The following CAB39 variants were observed in gnomAD, a reference collection of about 807,000 sequenced individuals.
The protein encoded by CAB39 is calcium-binding protein 39.
CAB39 carries 8 observed loss-of-function variants against 40.0 expected under a neutral mutation model. The observed-to-expected ratio is 0.20, with a 90% CI of 0.12 to 0.36. The LOEUF is 0.36. Ranked by LOEUF, CAB39 falls within the 10% of genes least tolerant of loss-of-function variation. The pLI is 1.00. For missense variants in CAB39, 270 were observed against 401.1 expected (o/e 0.67, Z 2.79); for synonymous variants, 156 against 141.6 (o/e 1.10, Z -0.72).
In CAB39 at chr2:230,743,222, CTA is replaced by C. The variant is rs958090329; in HGVS notation, c.-43-16733_-43-16732del. On this transcript the variant is annotated intron_variant, in intron 1 of 8. Coordinates refer to ENST00000258418, the MANE Select transcript of CAB39 (RefSeq NM_016289.4). ...TGCAGTTTCTTTCCCTTCACTCACT[CTA>C]TATGACTTCCACAGACAACTAGGCT... Among the ~76,000 whole-genome samples the C allele has an allele frequency of 5.1e-4, 77 of 152,270 alleles. 1 individual carries two copies. Among genetic ancestry groups the C allele is most frequent in the African/African-American group, 1.7e-3 (69 of 41,552 alleles).
At position 230,818,941 on chromosome 2, in the gene CAB39, T is replaced by C. The variant is rs1055667643; in HGVS notation, c.*237T>C. 2.4e-6 allele frequency: 1 copy of C among 422,168 alleles called. No individual in the cohort carries two copies. Among genetic ancestry groups the C allele is most frequent in the Admixed American group, 3.8e-5 (1 of 26,034 alleles). 26.2% of individuals were successfully genotyped at this position (422,168 alleles called of 1,614,324 possible). Reference sequence around the variant, plus strand: ...TTGTGTCATTTCAGAATTCAAAGACTGTGCTACGGGAGTTCTGAACATGGC... The same window carrying C: ...TTGTGTCATTTCAGAATTCAAAGACCGTGCTACGGGAGTTCTGAACATGGC... On this transcript the variant is annotated 3_prime_UTR_variant, in exon 9 of 9. Coordinates refer to ENST00000258418, the MANE Select transcript of CAB39 (RefSeq NM_016289.4).
At position 230,766,369 on chromosome 2, in the gene CAB39, A is replaced by G. The variant is rs139832803; in HGVS notation, c.114+6254A>G. 8.5e-5 allele frequency among the ~76,000 whole-genome samples: 13 copies of G among 152,344 alleles called. 1 individual carries two copies. The East Asian group carries it at 2.3e-3, about 27-fold the overall frequency. On this transcript the variant is annotated intron_variant, in intron 2 of 8. Coordinates refer to ENST00000258418, the MANE Select transcript of CAB39 (RefSeq NM_016289.4). ...TAATTAATGGGAAAAATGAGAGTTT[A>G]TTAGGAGAGAGAGAGACTAGGAAGT...
At chr2:230,729,646 A>G (rs961176637) in intron 1 of CAB39, among the ~76,000 whole-genome samples, 1 of 151,830 alleles carries the variant, frequency 6.6e-6, no homozygotes, top group Non-Finnish European at 1.5e-5. Context: ...CCAGCTACTC[A>G]GGAGGCTGAG....
intron 1 of CAB39, among the ~76,000 whole-genome samples, chr2:230,735,527 TG>T (rs975941619): frequency 6.6e-6 from 1 of 151,156 alleles, no homozygotes; most frequent in Admixed American, 6.6e-5. Context: ...TTTGGGGGGA[TG>T]GGGGGGACAG....
chr2:230,783,812 A>G (rs1194576637), intron 2 of CAB39, among the ~76,000 whole-genome samples: 1 of 152,160 alleles, frequency 6.6e-6, no homozygotes, highest in African/African-American at 2.4e-5. Flanking sequence ...TCAATTAAAC[A>G]CTTTTAAGGA....
intron 2 of CAB39, among the ~76,000 whole-genome samples, chr2:230,787,260 A>G (rs753441516): frequency 6.6e-6 from 1 of 152,236 alleles, no homozygotes; most frequent in Non-Finnish European, 1.5e-5. Flanking sequence ...GATTTGTAGT[A>G]GATCATTACT....
chr2:230,741,748 A>G (rs1456938325), intron 1 of CAB39, among the ~76,000 whole-genome samples: 1 of 152,244 alleles, frequency 6.6e-6, no homozygotes, highest in African/African-American at 2.4e-5. Flanking sequence ...TGAACAATAT[A>G]TCAAATTTAA....
At chr2:230,757,069 G>A (rs1695205421) in intron 1 of CAB39, among the ~76,000 whole-genome samples, 2 of 152,134 alleles carry the variant, frequency 1.3e-5, no homozygotes, top group Admixed American at 1.3e-4. Flanking sequence ...ACTGAGGAAT[G>A]TCACTTCTTG....
intron 1 of CAB39, among the ~76,000 whole-genome samples, chr2:230,724,447 C>T (rs1471511235): frequency 6.6e-6 from 1 of 151,788 alleles, no homozygotes; most frequent in South Asian, 2.1e-4. Flanking sequence ...TTTGGGAGGC[C>T]GAGGTGGGCG....
chr2:230,809,648 A>G (rs1264206696), intron 5 of CAB39, among the ~76,000 whole-genome samples: 1 of 152,226 alleles, frequency 6.6e-6, no homozygotes, highest in Admixed American at 6.5e-5. Context: ...GGTGAGGCAT[A>G]GGGTTCTGTT....
At chr2:230,744,483 G>A (rs970230948) in intron 1 of CAB39, among the ~76,000 whole-genome samples, 5 of 151,656 alleles carry the variant, frequency 3.3e-5, no homozygotes, top group South Asian at 4.2e-4. Flanking sequence ...TAGTAAAGAC[G>A]GGGTTTCACC....
intron 1 of CAB39, among the ~76,000 whole-genome samples, chr2:230,736,633 C>T (rs963152598): frequency 1.3e-5 from 2 of 152,138 alleles, no homozygotes; most frequent in Admixed American, 1.3e-4. Flanking sequence ...AATCGAGACC[C>T]TGTGGATCCT....
intron 2 of CAB39, among the ~76,000 whole-genome samples, chr2:230,772,344 A>G (rs575965273): frequency 1.3e-5 from 2 of 152,364 alleles, no homozygotes; most frequent in Admixed American, 1.3e-4. Flanking sequence ...TAGTAAAACC[A>G]TAAGGAGATT....
At chr2:230,752,030 C>CCT in intron 1 of CAB39, 1 of 11,834 alleles carries the variant, frequency 8.5e-5, no homozygotes, top group Non-Finnish European at 1.8e-4. Flanking sequence ...ATTCTGACCA[C>CCT]CCCCCCCCCC....
At chr2:230,715,787 C>G (rs1694338411) in intron 1 of CAB39, among the ~76,000 whole-genome samples, 1 of 152,208 alleles carries the variant, frequency 6.6e-6, no homozygotes, top group Non-Finnish European at 1.5e-5. Flanking sequence ...ACTGCAACCT[C>G]AACCTCCTGG....
intron 2 of CAB39, among the ~76,000 whole-genome samples, chr2:230,773,231 T>C (rs957410184): frequency 1.8e-4 from 28 of 151,988 alleles, no homozygotes; most frequent in Non-Finnish European, 5.9e-5. Flanking sequence ...AGCATAAAGC[T>C]TTTGGTGGTT....
At chr2:230,782,013 T>C (rs1438040904) in intron 2 of CAB39, among the ~76,000 whole-genome samples, 1 of 152,124 alleles carries the variant, frequency 6.6e-6, no homozygotes, top group Non-Finnish European at 1.5e-5. Context: ...TACAGGCTCA[T>C]GCCACTGCAC....
At chr2:230,762,623 A>G (rs1395280860) in intron 2 of CAB39, among the ~76,000 whole-genome samples, 3 of 152,200 alleles carry the variant, frequency 2.0e-5, no homozygotes, top group Non-Finnish European at 4.4e-5. Flanking sequence ...TAAAACTGCA[A>G]ATTGATGAAA....
intron 5 of CAB39, among the ~76,000 whole-genome samples, chr2:230,806,073 A>G (rs1696188131): frequency 6.6e-6 from 1 of 152,232 alleles, no homozygotes. Context: ...ACCCAGCTGT[A>G]TAAAATATGG....
Sources: allele counts gnomAD v4.1 joint callset (sites outside exome capture counted in the v4.1 genomes callset), GRCh38; gene constraint gnomAD v4.1.1; transcripts MANE v1.5; gene names NCBI Gene and HGNC (gene_info 2026-07-23, HGNC 2026-07-21).